Variants in MKLN1 observed in about 807,000 individuals in gnomAD.
MKLN1 encodes muskelin 1, also known as muskelin.
A neutral mutation model predicts 99.0 loss-of-function variants in MKLN1; 18 were observed. That is an observed-to-expected ratio of 0.18 (90% CI 0.13 to 0.27). MKLN1 has a LOEUF of 0.27. MKLN1 is among the 10% of genes least tolerant of loss of function. The pLI, the probability that MKLN1 is intolerant of heterozygous loss-of-function variation, is 1.00. For synonymous variants in MKLN1, 288 were observed against 293.2 expected, an observed-to-expected ratio of 0.98 and a Z score of 0.18; for missense variants, 621 against 875.9, an observed-to-expected ratio of 0.71 and a Z score of 3.67.
chr7:131,395,176 A>G, intron 4 of MKLN1, among the ~76,000 whole-genome samples: 1 of 152,076 alleles, frequency 6.6e-6, no homozygotes, highest in East Asian at 1.9e-4. Context: ...TTGAAATAAC[A>G]TGTAAATGTT....
intron 3 of MKLN1, among the ~76,000 whole-genome samples, chr7:131,305,970 G>A (rs75626551): frequency 0.015 from 2,286 of 152,252 alleles, 21 homozygotes; most frequent in Non-Finnish European, 0.024. Flanking sequence ...CCACGTGTCA[G>A]GGAAAGGACC....
At chr7:131,470,201 A>G (rs1796779956) in intron 15 of MKLN1, among the ~76,000 whole-genome samples, 1 of 152,194 alleles carries the variant, frequency 6.6e-6, no homozygotes, top group Non-Finnish European at 1.5e-5. Flanking sequence ...CGATGATAAA[A>G]TAGATCATCA....
intron 1 of MKLN1, among the ~76,000 whole-genome samples, chr7:131,127,731 T>A (rs900624236): frequency 1.3e-5 from 2 of 152,196 alleles, no homozygotes; most frequent in South Asian, 4.1e-4. Context: ...CTCTTCTGAA[T>A]CAATTAAATG....
intron 2 of MKLN1, among the ~76,000 whole-genome samples, chr7:131,202,505 T>C (rs1272721284): frequency 6.6e-6 from 1 of 152,160 alleles, no homozygotes; most frequent in African/African-American, 2.4e-5. Context: ...CACCTCCTTA[T>C]GCGCCAGGAC....
intron 3 of MKLN1, among the ~76,000 whole-genome samples, chr7:131,266,122 C>G (rs1797803525): frequency 6.9e-6 from 1 of 145,942 alleles, no homozygotes; most frequent in Non-Finnish European, 1.5e-5. Context: ...TGCAGTGAGC[C>G]GAGGTCATGC....
chr7:131,172,327 T>C (rs28758242), intron 2 of MKLN1, among the ~76,000 whole-genome samples: 1 of 136,004 alleles, frequency 7.4e-6, no homozygotes, highest in African/African-American at 2.8e-5. Flanking sequence ...TTTTTTTTTT[T>C]CTTTTTGAGA....
intron 1 of MKLN1, among the ~76,000 whole-genome samples, chr7:131,329,982 T>G (rs116473999): frequency 0.024 from 3,677 of 152,358 alleles, 147 homozygotes; most frequent in African/African-American, 0.084. Flanking sequence ...GTATTTAAAG[T>G]AAAGTATTAG....
At chr7:131,316,437 A>C (rs2116650744) in intron 3 of MKLN1, among the ~76,000 whole-genome samples, 1 of 152,158 alleles carries the variant, frequency 6.6e-6, no homozygotes, top group South Asian at 2.1e-4. Context: ...CCACACAAAA[A>C]CTCCCATCCA....
chr7:131,329,460 C>T (rs1799003748), intron 1 of MKLN1, among the ~76,000 whole-genome samples: 1 of 152,200 alleles, frequency 6.6e-6, no homozygotes, highest in Non-Finnish European at 1.5e-5. Flanking sequence ...GCCCTATGTA[C>T]TTGACCTCTG....
chr7:131,309,074 C>T (rs184521659), intron 3 of MKLN1, among the ~76,000 whole-genome samples: 6 of 152,296 alleles, frequency 3.9e-5, no homozygotes, highest in Admixed American at 2.0e-4. Context: ...TCTCAATCTT[C>T]GAATTGCAAG....
chr7:131,413,835 G>A (rs574608706), intron 7 of MKLN1, among the ~76,000 whole-genome samples: 3 of 152,128 alleles, frequency 2.0e-5, no homozygotes, highest in Non-Finnish European at 2.9e-5. Context: ...CACCGCGCCC[G>A]GCCATAACTT....
chr7:131,397,110 A>C (rs1344137993), intron 4 of MKLN1, among the ~76,000 whole-genome samples, 157 bp from the exon 5 acceptor site: 1 of 152,176 alleles, frequency 6.6e-6, no homozygotes, highest in Admixed American at 6.5e-5. Context: ...GTTTCGTTTT[A>C]CTGTTGTAGC....
At chr7:131,294,127 G>T (rs1798258215) in intron 3 of MKLN1, among the ~76,000 whole-genome samples, 2 of 152,114 alleles carry the variant, frequency 1.3e-5, no homozygotes, top group Admixed American at 6.6e-5. Context: ...TAATATCTTG[G>T]ATCAAAGGCT....
chr7:131,271,522 C>T (rs994775332), intron 3 of MKLN1, among the ~76,000 whole-genome samples: 12 of 151,636 alleles, frequency 7.9e-5, no homozygotes, highest in Non-Finnish European at 1.5e-5. Context: ...GAGGCTGAGG[C>T]AGGAGAATGG....
chr7:131,268,024 C>A (rs1241167702), intron 3 of MKLN1, among the ~76,000 whole-genome samples: 1 of 152,034 alleles, frequency 6.6e-6, no homozygotes, highest in African/African-American at 2.4e-5. Flanking sequence ...AAAAACAAGA[C>A]AGGTTTAAGT....
At chr7:131,312,085 T>C (rs1798577176) in intron 3 of MKLN1, among the ~76,000 whole-genome samples, 1 of 152,076 alleles carries the variant, frequency 6.6e-6, no homozygotes, top group East Asian at 1.9e-4. Context: ...TGCAATGACC[T>C]GATCTCAGCT....
intron 1 of MKLN1, among the ~76,000 whole-genome samples, chr7:131,125,443 C>A (rs1337706794): frequency 3.9e-5 from 6 of 152,016 alleles, no homozygotes; most frequent in Non-Finnish European, 7.4e-5. Context: ...ACGAGAGGAG[C>A]AAGTTAAGAG....
Position 131,271,266 on chromosome 7 carries a change from C to T in MKLN1, c.-179+68292C>T, listed in dbSNP as rs148726282. Among the ~76,000 whole-genome samples, 254 of 152,214 alleles carry T rather than the reference C, an allele frequency of 1.7e-3. 2 individuals carry two copies. The highest frequency in any genetic ancestry group is 5.9e-3 in the African/African-American group (245 of 41,538). ...TTCACAAAGGAGGTAGCACTGAGGT[C>T]TGAAGGGTGAATAAACCTTTGCCAC... On this transcript the variant is annotated intron_variant, in intron 3 of 7. Coordinates refer to the MKLN1 transcript ENST00000416992.
At position 131,212,923 on chromosome 7, in the gene MKLN1, C is replaced by CAAG. The variant is rs745935580; in HGVS notation, c.-179+9951_-179+9952insGAA. Among the ~76,000 whole-genome samples, 320 of 128,878 alleles carry CAAG rather than the reference C, an allele frequency of 2.5e-3. 4 individuals carry two copies. The highest frequency in any genetic ancestry group is 2.7e-3 in the Non-Finnish European group (162 of 60,704). The allele number at this position is 128,878 out of a possible 152,430, so 84.5% of individuals were successfully genotyped here. On this transcript the variant is annotated intron_variant, in intron 3 of 7. Transcript: ENST00000416992. The stretch of plus-strand genomic sequence containing the variant: ...GGGCAACAAGAGCAAAACTCCGTCT[C>CAAG]AAAAAAAAAAAACAAAAAACACCTA...
Sources: allele counts gnomAD v4.1 joint callset (sites outside exome capture counted in the v4.1 genomes callset), GRCh38; gene constraint gnomAD v4.1.1; transcripts MANE v1.5; gene names NCBI Gene and HGNC (gene_info 2026-07-23, HGNC 2026-07-21).